Variants in EGFR observed in about 807,000 individuals in gnomAD.
EGFR encodes avian erythroblastic leukemia viral (v-erb-b) oncogene homolog.
A neutral mutation model predicts 143.0 loss-of-function variants in EGFR; 58 were observed. That is an observed-to-expected ratio of 0.41 (90% confidence interval 0.33 to 0.50). The LOEUF (loss-of-function observed/expected upper bound fraction) is 0.50. Among genes scored for constraint, EGFR ranks in the 20% least tolerant of loss-of-function variants. EGFR has a pLI of 0.39. For synonymous variants in EGFR, 613 were observed against 594.4 expected (o/e 1.03, Z -0.45); for missense variants, 1,307 against 1,579.0 (o/e 0.83, Z 2.92).
At chr7:55,023,741 A>ATTTGT (rs1786718964) in intron 1 of EGFR, among the ~76,000 whole-genome samples, 2 of 151,842 alleles carry the variant, frequency 1.3e-5, no homozygotes, top group African/African-American at 4.8e-5. Context: ...AATTATGGTA[A>ATTTGT]TAAACATTGT....
rs1351950283 is a variant in EGFR at position 55,160,286 on chromosome 7, G to A, written c.1446G>A (p.Gly482=). 1.9e-6 allele frequency: 3 copies of A among 1,613,948 alleles called. No individual in the cohort carries two copies. Among genetic ancestry groups the A allele is most frequent in the Non-Finnish European group, 2.5e-6 (3 of 1,179,990 alleles). ...ANTINWKKLF[G]TSGQKTKIIS... ...CAATAAACTGGAAAAAACTGTTTGG[G>A]ACCTCCGGTCAGAAAACCAAAATTA... Residue 482 remains glycine, a synonymous_variant, in exon 12 of 28, where the codon GGG becomes GGA. Transcript: ENST00000275493.
At chr7:55,111,507 T>C (rs1217477258) in intron 1 of EGFR, among the ~76,000 whole-genome samples, 2 of 152,146 alleles carry the variant, frequency 1.3e-5, no homozygotes, top group Non-Finnish European at 2.9e-5. Flanking sequence ...GCAGTGATTG[T>C]ATTAGGGGGT....
At chr7:55,110,303 A>C (rs1792396745) in intron 1 of EGFR, among the ~76,000 whole-genome samples, 1 of 152,220 alleles carries the variant, frequency 6.6e-6, no homozygotes, top group Non-Finnish European at 1.5e-5. Flanking sequence ...AAGAGAGAAA[A>C]GGGGTCTCTG....
intron 24 of EGFR, 38 bp downstream of exon 24, chr7:55,200,451 C>A (rs2128970112): frequency 6.3e-7 from 1 of 1,576,268 alleles, no homozygotes; most frequent in Non-Finnish European, 8.7e-7. Flanking sequence ...GGGAAGAGTC[C>A]CTCTAATGAG....
intron 1 of EGFR, among the ~76,000 whole-genome samples, chr7:55,049,080 T>C (rs1268283613): frequency 6.6e-6 from 1 of 152,232 alleles, no homozygotes; most frequent in East Asian, 1.9e-4. Context: ...GCACATTTAG[T>C]ATGCATATGA....
At chr7:55,093,909 G>A (rs1791285220) in intron 1 of EGFR, among the ~76,000 whole-genome samples, 2 of 152,158 alleles carry the variant, frequency 1.3e-5, no homozygotes, top group African/African-American at 4.8e-5. Flanking sequence ...CTCAGGGAGT[G>A]CAGAGGTGCC....
intron 1 of EGFR, among the ~76,000 whole-genome samples, chr7:55,064,216 T>C (rs961854644): frequency 1.3e-5 from 2 of 152,262 alleles, no homozygotes; most frequent in South Asian, 2.1e-4. Context: ...TTGTATGTAG[T>C]ATCCACAGGT....
intron 1 of EGFR, among the ~76,000 whole-genome samples, chr7:55,073,151 T>C (rs1187363109): frequency 1.3e-5 from 2 of 152,248 alleles, no homozygotes; most frequent in African/African-American, 4.8e-5. Flanking sequence ...TAGTCATCTG[T>C]GATTTTTCTA....
At chr7:55,199,977 G>A (rs1270299670) in intron 23 of EGFR, among the ~76,000 whole-genome samples, 2 of 152,208 alleles carry the variant, frequency 1.3e-5, no homozygotes, top group Non-Finnish European at 2.9e-5. Flanking sequence ...TTGGTGCAGG[G>A]CACCCTGCAG....
chr7:55,108,070 C>T (rs1285946031), intron 1 of EGFR, among the ~76,000 whole-genome samples: 1 of 152,134 alleles, frequency 6.6e-6, no homozygotes, highest in Non-Finnish European at 1.5e-5. Flanking sequence ...AAGTTCTATT[C>T]TTTTTAAGTT....
At chr7:55,020,977 A>G (rs1786533433) in intron 1 of EGFR, among the ~76,000 whole-genome samples, 1 of 151,618 alleles carries the variant, frequency 6.6e-6, no homozygotes, top group African/African-American at 2.4e-5. Context: ...TGGACTTGGG[A>G]TTTTTTTTAA....
intron 1 of EGFR, among the ~76,000 whole-genome samples, chr7:55,032,163 CA>C (rs1787289945): frequency 1.3e-5 from 2 of 152,112 alleles, no homozygotes; most frequent in South Asian, 4.1e-4. Flanking sequence ...GATGTTCTGC[CA>C]AGCCATAAAA....
chr7:55,078,342 G>T (rs927545320), intron 1 of EGFR, among the ~76,000 whole-genome samples: 3 of 142,982 alleles, frequency 2.1e-5, no homozygotes, highest in African/African-American at 7.6e-5. Flanking sequence ...CCAGGAAGCC[G>T]CCTCGACGCA....
In EGFR at chr7:55,037,515, C is replaced by T. The variant is rs552623415; in HGVS notation, c.88+18150C>T. ...TCTTCACAGCTTCCTCAGAGCCTTC[C>T]GCACGCGGTGTCTCATTTGAATACT... On this transcript the variant is annotated intron_variant, in intron 1 of 27. Coordinates refer to ENST00000275493, the MANE Select transcript of EGFR (RefSeq NM_005228.5). Among the ~76,000 whole-genome samples the T allele has an allele frequency of 1.2e-3, 183 of 152,318 alleles. 1 individual carries two copies. The highest frequency in any genetic ancestry group is 2.9e-3 in the African/African-American group (120 of 41,556).
At chr7:55,023,939 G>A (rs1342932605) in intron 1 of EGFR, among the ~76,000 whole-genome samples, 1 of 152,108 alleles carries the variant, frequency 6.6e-6, no homozygotes, top group African/African-American at 2.4e-5. Flanking sequence ...CTCTTTGGAC[G>A]ACATCTCTAG....
intron 1 of EGFR, among the ~76,000 whole-genome samples, chr7:55,117,707 C>T (rs1017659667): frequency 2.6e-5 from 4 of 152,168 alleles, no homozygotes; most frequent in East Asian, 3.8e-4. Flanking sequence ...GTGCCCTCAA[C>T]GAAGGAGCAA....
intron 1 of EGFR, among the ~76,000 whole-genome samples, chr7:55,046,391 T>C (rs1267672278): frequency 6.6e-6 from 1 of 152,164 alleles, no homozygotes; most frequent in Non-Finnish European, 1.5e-5. Context: ...TAAACCTACT[T>C]CCAAAATAAT....
intron 1 of EGFR, among the ~76,000 whole-genome samples, chr7:55,024,119 G>T (rs1786744548): frequency 2.6e-5 from 4 of 152,206 alleles, no homozygotes; most frequent in Admixed American, 2.6e-4. Flanking sequence ...CAATCCAGTT[G>T]TCTAGAAAGT....
chr7:55,173,229 T>C, intron 17 of EGFR, 105 bp downstream of exon 17: 1 of 1,481,876 alleles, frequency 6.7e-7, no homozygotes, highest in Non-Finnish European at 9.2e-7. Context: ...AGATACATAA[T>C]TGTATTATGA....
Sources: gnomAD v4.1 joint callset for allele counts (sites outside exome capture counted in the v4.1 genomes callset) on GRCh38, gnomAD v4.1.1 for gene constraint, MANE v1.5 for transcripts, NCBI Gene and HGNC (gene_info 2026-07-23, HGNC 2026-07-21) for gene names.